ESF1: variants seen among roughly 807,000 people sequenced by gnomAD.
ESF1 encodes the protein ESF1 homolog.
A neutral mutation model predicts 92.0 loss-of-function variants in ESF1; 58 were observed. The observed-to-expected ratio is 0.63, with a 90% CI of 0.51 to 0.78. The LOEUF is 0.78. Ranked by LOEUF, ESF1 falls within the 30% of genes least tolerant of loss-of-function variation. The pLI, the probability that ESF1 is intolerant of heterozygous loss-of-function variation, is 0.00. For synonymous variants in ESF1, 321 were observed against 313.7 expected (o/e 1.02, Z -0.24); for missense variants, 922 against 989.1 (o/e 0.93, Z 0.91).
chr20:13,715,482 G>A (rs6042314), intron 13 of ESF1, among the ~76,000 whole-genome samples: 1 of 151,960 alleles, frequency 6.6e-6, no homozygotes, highest in Admixed American at 6.6e-5. Flanking sequence ...CTGTAGCAGT[G>A]GTTTGTGAGG....
chr20:13,778,723 T>A (rs546314737), intron 2 of ESF1, among the ~76,000 whole-genome samples: 2 of 152,260 alleles, frequency 1.3e-5, no homozygotes, highest in South Asian at 4.2e-4. Flanking sequence ...TTTAACAATA[T>A]CAACTGCATT....
In ESF1 at chr20:13,780,297, T is replaced by G. The variant is rs79643553; in HGVS notation, c.637+2207A>C. Among the ~76,000 whole-genome samples the G allele has an allele frequency of 6.1e-4, 93 of 152,298 alleles. 1 individual carries two copies. The East Asian group carries it at 0.017, about 28-fold the overall frequency. On this transcript the variant is annotated intron_variant, in intron 2 of 13. Coordinates refer to ENST00000617257, the MANE Select transcript of ESF1 (RefSeq NM_001276380.2). Reference sequence around the variant, plus strand: ...AAGATATGTAAAAAAGTCTGTAAAATCAATCTAAAGGATTATATAGCTATG... The same window carrying G: ...AAGATATGTAAAAAAGTCTGTAAAAGCAATCTAAAGGATTATATAGCTATG...
chr20:13,739,172 T>G (rs1356995759), intron 9 of ESF1, among the ~76,000 whole-genome samples: 1 of 152,190 alleles, frequency 6.6e-6, no homozygotes, highest in Non-Finnish European at 1.5e-5. Context: ...CCAAAGTATG[T>G]GATCAATGAA....
At chr20:13,728,282 AG>A in intron 11 of ESF1, 95 bp downstream of exon 11, 2 of 895,896 alleles carry the variant, frequency 2.2e-6, no homozygotes, top group Non-Finnish European at 3.4e-6. Flanking sequence ...CACAAATACT[AG>A]CAATTTTAAA....
At chr20:13,733,074 C>T (rs554373746) in intron 10 of ESF1, among the ~76,000 whole-genome samples, 26 of 150,976 alleles carry the variant, frequency 1.7e-4, no homozygotes, top group Non-Finnish European at 2.2e-4. Context: ...TACAGGTGCG[C>T]GCCACCACAT....
chr20:13,730,737 T>TAC (rs1436893589), intron 10 of ESF1, among the ~76,000 whole-genome samples: 4 of 151,724 alleles, frequency 2.6e-5, no homozygotes, highest in African/African-American at 7.3e-5. Context: ...ATTTTATGGA[T>TAC]TCAGCAGTAA....
chr20:13,736,416 T>C (rs2049975966), intron 9 of ESF1, among the ~76,000 whole-genome samples: 1 of 152,196 alleles, frequency 6.6e-6, no homozygotes, highest in Admixed American at 6.5e-5. Context: ...TAAGTGATGG[T>C]ATTTTACTTG....
At chr20:13,729,435 T>A (rs1182689596) in intron 10 of ESF1, among the ~76,000 whole-genome samples, 1 of 152,024 alleles carries the variant, frequency 6.6e-6, no homozygotes, top group African/African-American at 2.4e-5. Flanking sequence ...ATAAAAATAA[T>A]TCAAGATAGG....
At chr20:13,748,590 A>ATT (rs1187302704) in intron 9 of ESF1, among the ~76,000 whole-genome samples, 30 of 90,618 alleles carry the variant, frequency 3.3e-4, no homozygotes, top group South Asian at 8.2e-4. Flanking sequence ...ATATATATAT[A>ATT]TATTTTTTTT....
In ESF1 at chr20:13,759,837, A is replaced by G; in HGVS notation, c.1683T>C (p.Asn561=). 1 of 1,595,412 alleles carries G rather than the reference A, an allele frequency of 6.3e-7. No homozygotes were observed. The highest frequency in any genetic ancestry group is 8.5e-7 in the Non-Finnish European group (1 of 1,175,054). The stretch of plus-strand genomic sequence containing the variant: ...TCTTTGTTTTCCCATCTTCTTCTAC[A>G]TTGACTCCATCATCACCTAATGAAA... The part of the protein sequence containing the change: ...EEELQGDDGV[N]VEEDGKTKKS... Residue 561 remains asparagine (N), a synonymous_variant, in exon 9 of 14, where the codon AAT becomes AAC. Transcript: ENST00000617257.
chr20:13,774,800 A>G (rs1979849755), intron 4 of ESF1, among the ~76,000 whole-genome samples: 1 of 152,198 alleles, frequency 6.6e-6, no homozygotes, highest in Non-Finnish European at 1.5e-5. Context: ...GGTAATTTCC[A>G]AGAACTTTAT....
At chr20:13,782,449 C>A in intron 2 of ESF1, 55 bp downstream of exon 2, 1 of 1,363,704 alleles carries the variant, frequency 7.3e-7, no homozygotes, top group Non-Finnish European at 9.7e-7. Flanking sequence ...TTTGAAAGAT[C>A]AGTATAAAAA....
chr20:13,728,343 T>C (rs772826568), intron 11 of ESF1, 35 bp downstream of exon 11: 1 of 1,512,202 alleles, frequency 6.6e-7, no homozygotes, highest in Non-Finnish European at 9.1e-7. Flanking sequence ...TTTCTTTAGA[T>C]TCCAGTTGAA....
At chr20:13,747,313 C>A (rs1051986778) in intron 9 of ESF1, among the ~76,000 whole-genome samples, 22 of 150,414 alleles carry the variant, frequency 1.5e-4, no homozygotes, top group Admixed American at 4.0e-4. Flanking sequence ...GTAATCCTAG[C>A]ATTTTGAGAG....
intron 5 of ESF1, among the ~76,000 whole-genome samples, chr20:13,771,837 TAA>T (rs1979697680): frequency 6.6e-6 from 1 of 151,688 alleles, no homozygotes; most frequent in African/African-American, 2.4e-5. Flanking sequence ...AACCATTAGC[TAA>T]AAGACATTCC....
chr20:13,780,958 T>C (rs549562760), intron 2 of ESF1, among the ~76,000 whole-genome samples: 1 of 152,336 alleles, frequency 6.6e-6, no homozygotes, highest in East Asian at 1.9e-4. Flanking sequence ...CTTCTGAACA[T>C]GCCCAATCAC....
intron 6 of ESF1, among the ~76,000 whole-genome samples, chr20:13,771,067 T>C (rs1412127006): frequency 6.6e-6 from 1 of 152,192 alleles, no homozygotes; most frequent in East Asian, 1.9e-4. Flanking sequence ...TGCAAGGAAA[T>C]ATTATTGTGT....
chr20:13,776,110 T>G lies in ESF1; in HGVS notation c.798A>C (p.Ser266=), dbSNP rs778268508. The change falls in exon 3 of 14, where the codon TCA becomes TCC. Residue 266 remains serine (S), a synonymous_variant. Coordinates refer to ENST00000617257, the MANE Select transcript of ESF1 (RefSeq NM_001276380.2). ...CATCTTCACTTCCATCGTCATCACC[T>G]GAAGCTCTACCAACACTTGTAATTT... is the stretch of plus-strand genomic sequence containing the variant. The part of the protein sequence containing the change: ...ENEITSVGRA[S]GDDDGSEDDE... The G allele has an allele frequency of 1.2e-6, 2 of 1,613,988 alleles. No individual in the cohort carries two copies. The highest frequency in any genetic ancestry group is 2.2e-5 in the South Asian group (2 of 91,080).
In ESF1 at chr20:13,782,990, A is replaced by C. The variant is rs779697075; in HGVS notation, c.151T>G (p.Tyr51Asp). The part of the protein sequence containing the change: ...MFHDKKFKLN[Y>D]AVDKRGRPIS... ...GGGCGCCCTCTTTTATCCACGGCAT[A>C]GTTCAACTTGAACTTCTTGTCATGA... Residue 51 changes from tyrosine (Y) to aspartate (D), a missense_variant, in exon 2 of 14, where the codon TAT (tyrosine) becomes GAT (aspartate). Transcript: ENST00000617257. The C allele has an allele frequency of 5.6e-6, 9 of 1,614,032 alleles. No homozygotes were observed. The African/African-American group carries it at 1.1e-4, about 19-fold the overall frequency.
Sources: allele counts gnomAD v4.1 joint callset (sites outside exome capture counted in the v4.1 genomes callset), GRCh38; gene constraint gnomAD v4.1.1; transcripts MANE v1.5; gene names NCBI Gene and HGNC (gene_info 2026-07-23, HGNC 2026-07-21).